The following MSI2 variants were observed in gnomAD, a reference collection of about 807,000 sequenced individuals.
MSI2 encodes the protein RNA-binding protein Musashi homolog 2.
A neutral mutation model predicts 45.6 loss-of-function variants in MSI2; 17 were observed. The ratio of observed to expected loss-of-function variants is 0.37; its 90% CI spans 0.26 to 0.56. MSI2 has a LOEUF of 0.56. Among genes scored for constraint, MSI2 ranks in the 20% least tolerant of loss-of-function variants. MSI2 has a pLI of 0.77. For missense variants in MSI2, 293 were observed against 444.2 expected, an observed-to-expected ratio of 0.66 and a Z score of 3.06; for synonymous variants, 156 against 158.2, an observed-to-expected ratio of 0.99 and a Z score of 0.11.
chr17:57,631,901 G>T, intron 10 of MSI2: 1 of 1,591,098 alleles, frequency 6.3e-7, no homozygotes. Flanking sequence ...GTCCCGGCCT[G>T]GGCTGCCCCC....
intron 5 of MSI2, among the ~76,000 whole-genome samples, chr17:57,333,817 C>T (rs1221768974): frequency 6.6e-6 from 1 of 151,820 alleles, no homozygotes; most frequent in South Asian, 2.1e-4. Flanking sequence ...AAAGATTTGC[C>T]CTCTAGGATC....
intron 4 of MSI2, among the ~76,000 whole-genome samples, chr17:57,259,007 CA>C (rs754751998): frequency 6.6e-6 from 1 of 151,888 alleles, no homozygotes; most frequent in Non-Finnish European, 1.5e-5. Context: ...TACTTTTATA[CA>C]TCACAAGTTT....
intron 9 of MSI2, chr17:57,625,728 G>T (rs145449235): frequency 6.6e-6 from 1 of 152,338 alleles, no homozygotes; most frequent in African/African-American, 2.4e-5. Flanking sequence ...AAACAACCCT[G>T]GCTGCTGTAA....
chr17:57,655,245 A>G (rs1443398539), intron 11 of MSI2, among the ~76,000 whole-genome samples: 1 of 151,562 alleles, frequency 6.6e-6, no homozygotes, highest in African/African-American at 2.4e-5. Flanking sequence ...TTTTCCCTTC[A>G]CCTGGTAGTT....
intron 5 of MSI2, among the ~76,000 whole-genome samples, chr17:57,285,617 G>T (rs1909803491): frequency 6.6e-6 from 1 of 152,140 alleles, no homozygotes; most frequent in Non-Finnish European, 1.5e-5. Context: ...GAAGGTTCCG[G>T]CCCCCACAGT....
chr17:57,678,503 A>G (rs963401174), intron 13 of MSI2, among the ~76,000 whole-genome samples: 1 of 152,232 alleles, frequency 6.6e-6, no homozygotes, highest in African/African-American at 2.4e-5. Flanking sequence ...TTGTGGAGTC[A>G]GATGAAGAGG....
intron 9 of MSI2, among the ~76,000 whole-genome samples, chr17:57,623,767 T>C (rs1353386988): frequency 6.6e-6 from 1 of 152,200 alleles, no homozygotes; most frequent in Non-Finnish European, 1.5e-5. Flanking sequence ...TCTGCTGTAA[T>C]GTGCTATTGA....
intron 9 of MSI2, among the ~76,000 whole-genome samples, chr17:57,621,436 C>A (rs1715976912): frequency 6.6e-6 from 1 of 152,194 alleles, no homozygotes; most frequent in African/African-American, 2.4e-5. Flanking sequence ...CATTAAAATT[C>A]ATTCATTCAA....
intron 7 of MSI2, among the ~76,000 whole-genome samples, chr17:57,588,175 G>GCATC (rs1001239134): frequency 2.0e-5 from 3 of 152,140 alleles, no homozygotes; most frequent in African/African-American, 4.8e-5. Context: ...CAGACCCCTC[G>GCATC]CATCCATCGC....
chr17:57,518,136 C>T (rs1467226856), intron 6 of MSI2, among the ~76,000 whole-genome samples: 1 of 152,160 alleles, frequency 6.6e-6, no homozygotes, highest in Non-Finnish European at 1.5e-5. Context: ...AAGCTGATGC[C>T]CTCAGAAGTT....
intron 6 of MSI2, chr17:57,450,321 A>AAG (rs1567831003): frequency 6.8e-6 from 1 of 146,984 alleles, no homozygotes; most frequent in African/African-American, 2.5e-5. Flanking sequence ...GAAAGAAAGA[A>AAG]AACCTTTGTT....
intron 7 of MSI2, among the ~76,000 whole-genome samples, chr17:57,559,869 G>A (rs2087530958): frequency 6.6e-6 from 1 of 152,246 alleles, no homozygotes; most frequent in South Asian, 2.1e-4. Context: ...TGCCCCTGCA[G>A]AGGCAGGGCT....
chr17:57,429,438 T>C (rs2084554319), intron 6 of MSI2, among the ~76,000 whole-genome samples: 1 of 152,246 alleles, frequency 6.6e-6, no homozygotes, highest in Non-Finnish European at 1.5e-5. Flanking sequence ...CTGCTGCCGC[T>C]GTCCTTCCTG....
the MSI2 span, among the ~76,000 whole-genome samples, chr17:57,701,496 C>T: frequency 6.6e-6 from 1 of 152,154 alleles, no homozygotes; most frequent in Non-Finnish European, 1.5e-5. Flanking sequence ...AGCGGGTGCT[C>T]ACCGGACACT....
At chr17:57,311,793 C>T (rs986575084) in intron 5 of MSI2, among the ~76,000 whole-genome samples, 3 of 152,048 alleles carry the variant, frequency 2.0e-5, no homozygotes, top group East Asian at 1.9e-4. Flanking sequence ...TGGCCTCAAG[C>T]GATACTCCCA....
chr17:57,505,036 G>A (rs560383208), intron 6 of MSI2, among the ~76,000 whole-genome samples: 12 of 152,240 alleles, frequency 7.9e-5, no homozygotes, highest in Admixed American at 1.3e-4. Context: ...ACAGAGGACC[G>A]GGCAAGAGTG....
rs970966255 is a variant in MSI2 at position 57,455,547 on chromosome 17, G to A, written c.405+54076G>A. ...AGATTACAGCCGTTAAAAAGAGATC[G>A]TCTTTAAACAAGCGCAGTTCTCTCT... On this transcript the variant is annotated intron_variant, in intron 6 of 13. Transcript: ENST00000284073. Among the ~76,000 whole-genome samples, 6 of 152,244 alleles carry A rather than the reference G, an allele frequency of 3.9e-5. No individual in the cohort carries two copies. In the South Asian group the frequency reaches 6.2e-4, roughly 16 times the overall value.
Position 57,666,702 on chromosome 17 carries a change from A to G in MSI2, c.791-8270A>G, listed in dbSNP as rs1378506169. Reference sequence around the variant, plus strand: ...GGGCCTGCAGTGAGTGCAATCACTTATAAGACACAAGCAAGGATCTGAGCC... The same window carrying G: ...GGGCCTGCAGTGAGTGCAATCACTTGTAAGACACAAGCAAGGATCTGAGCC... On this transcript the variant is annotated intron_variant, in intron 11 of 13. Coordinates refer to ENST00000284073, the MANE Select transcript of MSI2 (RefSeq NM_138962.4). Among the ~76,000 whole-genome samples, 7 of 152,336 alleles carry G rather than the reference A, an allele frequency of 4.6e-5. No homozygotes were observed. The East Asian group carries it at 7.7e-4, about 17-fold the overall frequency.
At chr17:57,445,894 G>A (rs1217825944) in intron 6 of MSI2, among the ~76,000 whole-genome samples, 1 of 152,168 alleles carries the variant, frequency 6.6e-6, no homozygotes, top group Non-Finnish European at 1.5e-5. Flanking sequence ...AGCAAACCTT[G>A]TTCTGTGACG....
Sources: allele counts gnomAD v4.1 joint callset (sites outside exome capture counted in the v4.1 genomes callset), GRCh38; gene constraint gnomAD v4.1.1; transcripts MANE v1.5; gene names NCBI Gene and HGNC (gene_info 2026-07-23, HGNC 2026-07-21).